The following CGB3 variants were observed in gnomAD, a reference collection of about 807,000 sequenced individuals.
The protein encoded by CGB3 is chorionic gonadotropin subunit beta 3.
CGB3 carries 3 observed loss-of-function variants against 5.1 expected under a neutral mutation model. The observed-to-expected ratio is 0.59, with a 90% CI of 0.27 to 1.52. The LOEUF (loss-of-function observed/expected upper bound fraction) is 1.52. CGB3 is among the 40% of genes most tolerant of loss of function. The pLI is 0.13. For synonymous variants in CGB3, 21 were observed against 80.9 expected (o/e 0.26, Z 3.97); for missense variants, 44 against 183.7 (o/e 0.24, Z 4.39).
Position 49,024,136 on chromosome 19 carries a change from G to C in CGB3, c.-165C>G. On this transcript the variant is annotated 5_prime_UTR_variant, in exon 1 of 3. Coordinates refer to ENST00000357383, the MANE Select transcript of CGB3 (RefSeq NM_000737.5). ...GGGCGCAGGAGTGGCTCAGCGGAGC[G>C]CCCCAGCCCTCTCCTCTCACTGGTC... 1 of 1,295,716 alleles carries C rather than the reference G, an allele frequency of 7.7e-7. No homozygotes were observed. The highest frequency in any genetic ancestry group is 1.1e-6 in the Non-Finnish European group (1 of 936,764). The allele number at this position is 1,295,716 out of a possible 1,614,324, so 80.3% of individuals were successfully genotyped here. A position where few individuals can be genotyped will look rare whatever the true frequency, so the allele number is the denominator to read the frequency against.
chr19:49,023,979 G>A lies in CGB3; in HGVS notation c.-8C>T. ...TACCTGGAACATCTCCATCCTTGGTGCGTCCCCTGCCTCGTGTACCTGGCT... is the reference window on the plus strand; with the variant it reads ...TACCTGGAACATCTCCATCCTTGGTACGTCCCCTGCCTCGTGTACCTGGCT... On this transcript the variant is annotated 5_prime_UTR_variant, in exon 1 of 3. Transcript: ENST00000357383. 1 of 1,613,252 alleles carries A rather than the reference G, an allele frequency of 6.2e-7. No homozygotes were observed. The highest frequency in any genetic ancestry group is 8.5e-7 in the Non-Finnish European group (1 of 1,179,718).
chr19:49,023,865 C>T (rs868602894), intron 1 of CGB3, 92 bp downstream of exon 1: 1 of 1,609,108 alleles, frequency 6.2e-7, no homozygotes, highest in South Asian at 1.1e-5. Context: ...AGAAAGAGGC[C>T]TCCTTCCACA....
At chr19:49,023,927 G>A in intron 1 of CGB3, 30 bp downstream of exon 1, 1 of 1,612,706 alleles carries the variant, frequency 6.2e-7, no homozygotes, top group Non-Finnish European at 8.5e-7. Context: ...GGAAGGAGGT[G>A]GAAGGTGCCC....
rs1177721832 is a variant in CGB3, at chr19:49,024,043, A to T, written c.-72T>A. The stretch of plus-strand genomic sequence containing the variant: ...TTGTGGGGGCGGCAAGGCCACCAGG[A>T]GGTGATAGGATGCTGGGGTGAGCTC... On this transcript the variant is annotated 5_prime_UTR_variant, in exon 1 of 3. Coordinates refer to ENST00000357383, the MANE Select transcript of CGB3 (RefSeq NM_000737.5). 2 of 1,593,662 alleles carry T rather than the reference A, an allele frequency of 1.3e-6. No homozygotes were observed. The highest frequency in any genetic ancestry group is 2.7e-5 in the African/African-American group (2 of 74,052).
At chr19:49,023,884 T>C (rs62126027) in intron 1 of CGB3, 73 bp downstream of exon 1, 4 of 1,611,080 alleles carry the variant, frequency 2.5e-6, no homozygotes, top group Non-Finnish European at 3.4e-6. Context: ...CAGCTCACAC[T>C]GGTCTGACCC....
At chr19:49,023,848 C>A in intron 1 of CGB3, 109 bp downstream of exon 1, 1 of 1,603,896 alleles carries the variant, frequency 6.2e-7, no homozygotes, top group Non-Finnish European at 8.5e-7. Flanking sequence ...GGGGGTCACG[C>A]TCCTCCAGAA....
In CGB3 at chr19:49,024,321, C is replaced by G. The variant is rs528991583; in HGVS notation, c.-350G>C. ...TGGGAGCCAGGAGGAGGCCGTGACC[C>G]GAGAAAGGTGCTGGACTGAAGCCTC... On this transcript the variant is annotated 5_prime_UTR_variant, in exon 1 of 3. Coordinates refer to ENST00000357383, the MANE Select transcript of CGB3 (RefSeq NM_000737.5). 6 of 742,120 alleles carry G rather than the reference C, an allele frequency of 8.1e-6. No homozygotes were observed. Among genetic ancestry groups the G allele is most frequent in the Non-Finnish European group, 1.1e-5 (6 of 555,900 alleles). The allele number at this position is 742,120 out of a possible 1,614,324, so 46.0% of individuals were successfully genotyped here. A position where few individuals can be genotyped will look rare whatever the true frequency, so the allele number is the denominator to read the frequency against.
Position 49,023,950 on chromosome 19 carries a change from G to T in CGB3, c.15+7C>A, listed in dbSNP as rs1328878225. 6.2e-7 allele frequency: 1 copy of T among 1,613,024 alleles called. No individual in the cohort carries two copies. The highest frequency in any genetic ancestry group is 8.5e-7 in the Non-Finnish European group (1 of 1,179,788). On this transcript the variant is annotated splice_region_variant and intron_variant, in intron 1 of 2. Coordinates refer to ENST00000357383, the MANE Select transcript of CGB3 (RefSeq NM_000737.5). ...GTGGAAGGTGCCCAGGGGCCCTGCA[G>T]TCTTACCTGGAACATCTCCATCCTT...
In CGB3 at chr19:49,023,962, A is replaced by G. The variant is rs767100833; in HGVS notation, c.10T>C (p.Phe4Leu). Residue 4 changes from phenylalanine to leucine, a missense_variant, in exon 1 of 3, where the codon TTC becomes CTC. Around this residue, in one of 3 missense-constraint regions of CGB3, gnomAD observed 12 missense variants for 25.0 expected, o/e 0.48. Transcript: ENST00000357383. MEM[F>L]QGLLLLLLLS... ...CAGGGGCCCTGCAGTCTTACCTGGA[A>G]CATCTCCATCCTTGGTGCGTCCCCT... 325 of 1,613,040 alleles carry G rather than the reference A, an allele frequency of 2.0e-4. No individual in the cohort carries two copies. The highest frequency in any genetic ancestry group is 3.2e-4 in the Admixed American group (19 of 59,988).
Position 49,023,951 on chromosome 19 carries a change from T to G in CGB3, c.15+6A>C. The G allele has an allele frequency of 6.2e-7, 1 of 1,612,932 alleles. No individual in the cohort carries two copies. Among genetic ancestry groups the G allele is most frequent in the East Asian group, 2.2e-5 (1 of 44,818 alleles). ...TGGAAGGTGCCCAGGGGCCCTGCAGTCTTACCTGGAACATCTCCATCCTTG... is the reference window on the plus strand; with the variant it reads ...TGGAAGGTGCCCAGGGGCCCTGCAGGCTTACCTGGAACATCTCCATCCTTG... On this transcript the variant is annotated splice_donor_region_variant and intron_variant, in intron 1 of 2. Transcript: ENST00000357383.
chr19:49,024,109 G>A lies in CGB3; in HGVS notation c.-138C>T, dbSNP rs1456096911. 4 of 1,541,822 alleles carry A rather than the reference G, an allele frequency of 2.6e-6. No homozygotes were observed. Among genetic ancestry groups the A allele is most frequent in the Admixed American group, 3.4e-5 (2 of 58,710 alleles). Reference sequence around the variant, plus strand: ...GGGGGCAAGAGGTAGACAAGGCCAGGGGGGCGCAGGAGTGGCTCAGCGGAG... The same window carrying A: ...GGGGGCAAGAGGTAGACAAGGCCAGAGGGGCGCAGGAGTGGCTCAGCGGAG... On this transcript the variant is annotated 5_prime_UTR_variant, in exon 1 of 3. Coordinates refer to ENST00000357383, the MANE Select transcript of CGB3 (RefSeq NM_000737.5).
At chr19:49,023,895 C>T (rs1421057846) in intron 1 of CGB3, 62 bp downstream of exon 1, 55 of 1,612,314 alleles carry the variant, frequency 3.4e-5, no homozygotes, top group Non-Finnish European at 4.5e-5. Flanking sequence ...GGTCTGACCC[C>T]TTCTCATGCC....
rs372316356 is a variant in CGB3 at position 49,023,998 on chromosome 19, C to T, written c.-27G>A. 4.2e-4 allele frequency: 670 copies of T among 1,612,240 alleles called. No individual in the cohort carries two copies. Among genetic ancestry groups the T allele is most frequent in the African/African-American group, 2.5e-3 (186 of 74,546 alleles). ...CTTGGTGCGTCCCCTGCCTCGTGTA[C>T]CTGGCTTTATACCTCGGGGTTGTGG... On this transcript the variant is annotated 5_prime_UTR_variant, in exon 1 of 3. Transcript: ENST00000357383.
chr19:49,024,093 A>T lies in CGB3; in HGVS notation c.-122T>A. The T allele has an allele frequency of 6.3e-7, 1 of 1,586,188 alleles. No homozygotes were observed. The highest frequency in any genetic ancestry group is 8.6e-7 in the Non-Finnish European group (1 of 1,157,558). ...CGACACTAACCCCTCGGGGGGCAAG[A>T]GGTAGACAAGGCCAGGGGGGCGCAG... On this transcript the variant is annotated 5_prime_UTR_variant, in exon 1 of 3. Coordinates refer to ENST00000357383, the MANE Select transcript of CGB3 (RefSeq NM_000737.5).
chr19:49,023,994 T>G lies in CGB3; in HGVS notation c.-23A>C, dbSNP rs1203961127. On this transcript the variant is annotated 5_prime_UTR_variant, in exon 1 of 3. Coordinates refer to ENST00000357383, the MANE Select transcript of CGB3 (RefSeq NM_000737.5). The stretch of plus-strand genomic sequence containing the variant: ...CATCCTTGGTGCGTCCCCTGCCTCG[T>G]GTACCTGGCTTTATACCTCGGGGTT... The G allele has an allele frequency of 6.2e-7, 1 of 1,613,182 alleles. No individual in the cohort carries two copies. Among genetic ancestry groups the G allele is most frequent in the Non-Finnish European group, 8.5e-7 (1 of 1,179,652 alleles).
chr19:49,024,077 C>G lies in CGB3; in HGVS notation c.-106G>C. ...GATGCTGGGGTGAGCTCGACACTAACCCCTCGGGGGGCAAGAGGTAGACAA... is the reference window on the plus strand; with the variant it reads ...GATGCTGGGGTGAGCTCGACACTAAGCCCTCGGGGGGCAAGAGGTAGACAA... On this transcript the variant is annotated 5_prime_UTR_variant, in exon 1 of 3. Transcript: ENST00000357383. 1 of 1,602,674 alleles carries G rather than the reference C, an allele frequency of 6.2e-7. No homozygotes were observed.
rs558114771 is a variant in CGB3 at position 49,024,047 on chromosome 19, G to A, written c.-76C>T. 14 of 1,538,914 alleles carry A rather than the reference G, an allele frequency of 9.1e-6. No individual in the cohort carries two copies. The highest frequency in any genetic ancestry group is 1.2e-5 in the Non-Finnish European group (13 of 1,113,992). On this transcript the variant is annotated 5_prime_UTR_variant, in exon 1 of 3. Coordinates refer to ENST00000357383, the MANE Select transcript of CGB3 (RefSeq NM_000737.5). The stretch of plus-strand genomic sequence containing the variant: ...GGGGGCGGCAAGGCCACCAGGAGGT[G>A]ATAGGATGCTGGGGTGAGCTCGACA...
At position 49,024,028 on chromosome 19, in the gene CGB3, G is replaced by A. The variant is rs761687555; in HGVS notation, c.-57C>T. On this transcript the variant is annotated 5_prime_UTR_variant, in exon 1 of 3. Transcript: ENST00000357383. ...CTTTATACCTCGGGGTTGTGGGGGCGGCAAGGCCACCAGGAGGTGATAGGA... is the reference window on the plus strand; with the variant it reads ...CTTTATACCTCGGGGTTGTGGGGGCAGCAAGGCCACCAGGAGGTGATAGGA... The A allele has an allele frequency of 2.6e-5, 42 of 1,604,828 alleles. 1 individual carries two copies. Among genetic ancestry groups the A allele is most frequent in the South Asian group, 4.4e-5 (4 of 90,932 alleles).
rs199786416 is a variant in CGB3 at position 49,022,931 on chromosome 19, T to G, written c.453A>C (p.Pro151=). The G allele has an allele frequency of 4.2e-5, 67 of 1,593,006 alleles. No individual in the cohort carries two copies. Among genetic ancestry groups the G allele is most frequent in the Non-Finnish European group, 5.6e-5 (66 of 1,171,722 alleles). The part of the protein sequence containing the change: ...SKAPPPSLPS[P]SRLPGPSDTP... ...TGTCCGAGGGCCCCGGGAGTCGGGA[T>G]GGGCTTGGAAGGCTGGGGGGAGGGG... The change falls in exon 3 of 3, where the codon CCA becomes CCC. Residue 151 remains proline, a synonymous_variant. Coordinates refer to ENST00000357383, the MANE Select transcript of CGB3 (RefSeq NM_000737.5).
Sources: gnomAD v4.1 joint callset for allele counts on GRCh38, gnomAD v4.1.1 for gene constraint, gnomAD v4.1.1 regional missense constraint, MANE v1.5 for transcripts, NCBI Gene and HGNC (gene_info 2026-07-23, HGNC 2026-07-21) for gene names.